KCNQ3: variants seen among roughly 807,000 people sequenced by gnomAD.
The protein encoded by KCNQ3 is potassium voltage-gated channel subfamily KQT member 3.
In KCNQ3, 30 loss-of-function variants were observed where a neutral mutation model predicts 92.5. The observed-to-expected ratio is 0.32, with a 90% CI of 0.24 to 0.44. The LOEUF is 0.44. Ranked by LOEUF, KCNQ3 falls within the 20% of genes least tolerant of loss-of-function variation. The pLI, the probability that KCNQ3 is intolerant of heterozygous loss-of-function variation, is 1.00. For missense variants in KCNQ3, 913 were observed against 1,140.3 expected (o/e 0.80, Z 2.87); for synonymous variants, 450 against 468.8 (o/e 0.96, Z 0.52).
At chr8:132,179,230 GA>G (rs1265814562) in intron 4 of KCNQ3, among the ~76,000 whole-genome samples, 11 of 151,682 alleles carry the variant, frequency 7.3e-5, no homozygotes, top group African/African-American at 2.7e-4. Flanking sequence ...GCAGTACCAT[GA>G]ATCTAAATGA....
intron 1 of KCNQ3, among the ~76,000 whole-genome samples, chr8:132,417,183 G>T (rs1245300986): frequency 6.6e-6 from 1 of 152,222 alleles, no homozygotes; most frequent in Non-Finnish European, 1.5e-5. Context: ...CAAAGGTGAG[G>T]AAAGGTTTAG....
At chr8:132,139,487 G>C (rs2436137) in intron 11 of KCNQ3, among the ~76,000 whole-genome samples, 65,183 of 152,078 alleles carry the variant, frequency 0.43, 14,200 homozygotes, top group East Asian at 0.53. Context: ...ATTCACCTTA[G>C]TTTCTAGAAT....
chr8:132,395,965 C>A (rs1343242647), intron 1 of KCNQ3, among the ~76,000 whole-genome samples: 1 of 152,188 alleles, frequency 6.6e-6, no homozygotes, highest in South Asian at 2.1e-4. Flanking sequence ...TGAGTTCAGT[C>A]CCAGCTCTGC....
intron 1 of KCNQ3, among the ~76,000 whole-genome samples, chr8:132,448,689 C>A (rs997528361): frequency 6.6e-6 from 1 of 152,126 alleles, no homozygotes; most frequent in Admixed American, 6.5e-5. Flanking sequence ...TCTATCTTTC[C>A]AACCCACGAT....
In KCNQ3 at chr8:132,129,592, C is replaced by CTGGGAG. The variant is rs758243303; in HGVS notation, c.2283_2288dup (p.His761_Ser762dup). On this transcript the variant is annotated inframe_insertion, in exon 15 of 15. Coordinates refer to ENST00000388996, the MANE Select transcript of KCNQ3 (RefSeq NM_004519.4). The surrounding 1 kb of genome is among the most constrained non-coding windows in gnomAD (Gnocchi z 5.9). Reference sequence around the variant, plus strand: ...CCGAGTAGGGGCCCTGCAGGTCAGCCTGGGAGTGGCAGCTCACTCGGGAGT... The same window carrying CTGGGAG: ...CCGAGTAGGGGCCCTGCAGGTCAGCCTGGGAGTGGGAGTGGCAGCTCACTCGGGAGT... 1 of 1,614,140 alleles carries CTGGGAG rather than the reference C, an allele frequency of 6.2e-7. No individual in the cohort carries two copies. Among genetic ancestry groups the CTGGGAG allele is most frequent in the South Asian group, 1.1e-5 (1 of 91,084 alleles).
rs140223116 is a variant in KCNQ3 at position 132,142,123 on chromosome 8, A to T, written c.1263-792T>A. Among the ~76,000 whole-genome samples the T allele has an allele frequency of 1.3e-3, 204 of 152,360 alleles. 1 individual carries two copies. Among genetic ancestry groups the T allele is most frequent in the African/African-American group, 4.8e-3 (200 of 41,582 alleles). On this transcript the variant is annotated intron_variant, in intron 9 of 14. Coordinates refer to ENST00000388996, the MANE Select transcript of KCNQ3 (RefSeq NM_004519.4). ...ATCTCAAAATTTTAAAGACTTTGAT[A>T]ATGCTGTTTCCATATAATCAGCTTC...
chr8:132,374,953 G>T (rs1464964463), intron 1 of KCNQ3, among the ~76,000 whole-genome samples: 1 of 152,140 alleles, frequency 6.6e-6, no homozygotes, highest in Non-Finnish European at 1.5e-5. Flanking sequence ...TTGATCTCAT[G>T]TCTTTGCTAT....
chr8:132,261,440 C>A (rs1422342834), intron 1 of KCNQ3, among the ~76,000 whole-genome samples: 1 of 152,210 alleles, frequency 6.6e-6, no homozygotes, highest in Non-Finnish European at 1.5e-5. Context: ...GTCTCTCATG[C>A]ATCTTTTGTT....
intron 1 of KCNQ3, among the ~76,000 whole-genome samples, chr8:132,472,487 T>G (rs1236905772): frequency 6.6e-6 from 1 of 152,190 alleles, no homozygotes; most frequent in Non-Finnish European, 1.5e-5. Context: ...GTCATTATGT[T>G]AAATGAAATA....
At chr8:132,256,008 T>C (rs1043659406) in intron 1 of KCNQ3, among the ~76,000 whole-genome samples, 1 of 151,590 alleles carries the variant, frequency 6.6e-6, no homozygotes, top group African/African-American at 2.4e-5. Flanking sequence ...CAACAGAAAA[T>C]TGTCAAAAAA....
At chr8:132,342,747 C>T (rs1191010671) in intron 1 of KCNQ3, among the ~76,000 whole-genome samples, 1 of 152,184 alleles carries the variant, frequency 6.6e-6, no homozygotes, top group Non-Finnish European at 1.5e-5. Context: ...TCTGTAAGTG[C>T]TGGACTACAG....
intron 1 of KCNQ3, among the ~76,000 whole-genome samples, chr8:132,437,277 CA>C (rs61160384): frequency 2.3e-5 from 3 of 132,862 alleles, no homozygotes; most frequent in Non-Finnish European, 3.2e-5. Flanking sequence ...GACTCCGTCT[CA>C]AAAAAAAAAT....
chr8:132,177,708 G>A (rs1349073261), intron 4 of KCNQ3, among the ~76,000 whole-genome samples: 1 of 152,218 alleles, frequency 6.6e-6, no homozygotes, highest in Non-Finnish European at 1.5e-5. Context: ...GTGCAACAGA[G>A]CCTCCCACAC....
chr8:132,189,907 A>AAAGAG (rs1480816124), intron 1 of KCNQ3, among the ~76,000 whole-genome samples: 5 of 132,218 alleles, frequency 3.8e-5, no homozygotes, highest in Admixed American at 7.0e-5. Context: ...AAAAAAAAAA[A>AAAGAG]AGAGAGAGAG....
At chr8:132,335,277 G>C (rs1307176901) in intron 1 of KCNQ3, among the ~76,000 whole-genome samples, 3 of 152,152 alleles carry the variant, frequency 2.0e-5, no homozygotes, top group African/African-American at 7.2e-5. Context: ...TTGTCATCAT[G>C]ATCCGCCTGC....
intron 1 of KCNQ3, among the ~76,000 whole-genome samples, chr8:132,200,069 A>G (rs1459015418): frequency 6.6e-6 from 1 of 152,212 alleles, no homozygotes; most frequent in Non-Finnish European, 1.5e-5. Context: ...ACAAAAATAA[A>G]CTGTCTTTAA....
intron 1 of KCNQ3, among the ~76,000 whole-genome samples, chr8:132,420,493 C>T (rs1820937076): frequency 1.3e-5 from 2 of 152,174 alleles, no homozygotes. Flanking sequence ...CAGAAACATC[C>T]AGCACCAGGA....
chr8:132,187,738 ATGG>A lies in KCNQ3; in HGVS notation c.387-1560_387-1558del, dbSNP rs1367997864. Reference sequence around the variant, plus strand: ...GGTGGTGATGGTGGTGATAGTGATGATGGTGGTGGTGGTGGTAGTGATGATGGT... The same window carrying A: ...GGTGGTGATGGTGGTGATAGTGATGATGGTGGTGGTGGTAGTGATGATGGT... On this transcript the variant is annotated intron_variant, in intron 1 of 14. Coordinates refer to ENST00000388996, the MANE Select transcript of KCNQ3 (RefSeq NM_004519.4). Among the ~76,000 whole-genome samples, 10 of 126,024 alleles carry A rather than the reference ATGG, an allele frequency of 7.9e-5. No individual in the cohort carries two copies. The East Asian group carries it at 1.2e-3, about 15-fold the overall frequency. 82.7% of individuals were successfully genotyped at this position (126,024 alleles called of 152,430 possible). A position where few individuals can be genotyped will look rare whatever the true frequency, so the allele number is the denominator to read the frequency against.
chr8:132,178,608 G>A (rs1826646910), intron 4 of KCNQ3, among the ~76,000 whole-genome samples: 6 of 152,058 alleles, frequency 3.9e-5, no homozygotes, highest in Admixed American at 3.9e-4. Flanking sequence ...CTGGAAGGTG[G>A]CAGAGCTGAA....
Sources: allele counts gnomAD v4.1 joint callset (sites outside exome capture counted in the v4.1 genomes callset), GRCh38; gene constraint gnomAD v4.1.1; non-coding constraint Gnocchi (gnomAD v3.1); transcripts MANE v1.5; gene names NCBI Gene and HGNC (gene_info 2026-07-23, HGNC 2026-07-21).